Variants in RTL9 observed in about 807,000 individuals in gnomAD.
RTL9 encodes retrotransposon Gag like 9, also known as retrotransposon Gag-like protein 9.
A neutral mutation model predicts 44.7 loss-of-function variants in RTL9; 19 were observed. That is an observed-to-expected ratio of 0.42 (90% CI 0.30 to 0.62). The LOEUF is 0.62. Among genes scored for constraint, RTL9 ranks in the 20% least tolerant of loss-of-function variants. The pLI, the probability that RTL9 is intolerant of heterozygous loss-of-function variation, is 0.16. For missense variants in RTL9, 1,105 were observed against 1,080.6 expected, an observed-to-expected ratio of 1.02 and a Z score of -0.32; for synonymous variants, 407 against 398.9, an observed-to-expected ratio of 1.02 and a Z score of -0.24.
chrX:110,363,213 TTCTCTTTA>T (rs2068275926), intron 1 of RTL9, among the ~76,000 whole-genome samples: 1 of 111,856 alleles, frequency 8.9e-6, no homozygotes, highest in Non-Finnish European at 1.9e-5. Flanking sequence ...CTAAGGAATT[TTCTCTTTA>T]CAAACAGGTG....
intron 1 of RTL9, among the ~76,000 whole-genome samples, chrX:110,439,010 C>T (rs1164681109): frequency 4.5e-5 from 5 of 112,020 alleles, no homozygotes; most frequent in Non-Finnish European, 9.4e-5. Context: ...GATATTTCTC[C>T]CGCTCACCTC....
At chrX:110,359,762 TA>T (rs1225926568) in intron 1 of RTL9, among the ~76,000 whole-genome samples, 1 of 111,919 alleles carries the variant, frequency 8.9e-6, no homozygotes, top group East Asian at 2.8e-4. Context: ...GGTCTCACCA[TA>T]AAAAGTTAAA....
chrX:110,452,573 T>C, exon 1 of RTL9: 1 of 1,210,106 alleles, frequency 8.3e-7, no homozygotes, highest in Non-Finnish European at 1.1e-6. Flanking sequence ...TTTCTGGAGC[T>C]CTGTCCATGC....
intron 1 of RTL9, among the ~76,000 whole-genome samples, chrX:110,394,733 T>G (rs908287991): frequency 8.9e-6 from 1 of 112,733 alleles, no homozygotes; most frequent in Non-Finnish European, 1.9e-5. Flanking sequence ...CACATGCATC[T>G]GCTCCTGGTG....
Position 110,452,066 on chromosome X carries a change from C to T in RTL9, c.1449C>T (p.Ala483=), listed in dbSNP as rs368878585. 3.6e-5 allele frequency: 44 copies of T among 1,209,820 alleles called. No individual in the cohort carries two copies. The African/African-American group carries it at 4.6e-4, about 13-fold the overall frequency. Residue 483 remains alanine, a synonymous_variant, in exon 1 of 2, where the codon GCC becomes GCT. Coordinates refer to ENST00000540313, the Ensembl canonical transcript of RTL9. ...CAATGCCCACAGGCTCTATGAAAGC[C>T]GTGGCAAAACAATACAAGAGAGCCA...
Position 110,450,704 on chromosome X carries a change from TAGACCAATGACAGAGACCAGAGC to T in RTL9, c.92_114del (p.Pro31ArgfsTer34). 8.3e-7 allele frequency: 1 copy of T among 1,211,007 alleles called. No individual in the cohort carries two copies. The highest frequency in any genetic ancestry group is 3.0e-5 in the East Asian group (1 of 33,807). Reference sequence around the variant, plus strand: ...CCCAAAACAAGCAGATGGCCTTCTGTAGACCAATGACAGAGACCAGAGCAGACGTACAGATTCTGCATTCTCAT... The same window carrying T: ...CCCAAAACAAGCAGATGGCCTTCTGTAGACGTACAGATTCTGCATTCTCAT... On this transcript the variant is annotated frameshift_variant, in exon 1 of 2. Transcript: ENST00000540313. LOFTEE classifies it high-confidence loss of function.
At position 110,436,715 on chromosome X, in the gene RTL9, G is replaced by A. The variant is rs538961740; in HGVS notation, c.-167-8438G>A. On this transcript the variant is annotated intron_variant, in intron 1 of 3. Coordinates refer to the RTL9 transcript ENST00000465301. Reference sequence around the variant, plus strand: ...GGATGGGGAGGGACAGAGAGAGAAAGCTATGGAAAGCCTCTGGAAGCCTTA... The same window carrying A: ...GGATGGGGAGGGACAGAGAGAGAAAACTATGGAAAGCCTCTGGAAGCCTTA... Among the ~76,000 whole-genome samples, 3 of 111,911 alleles carry A rather than the reference G, an allele frequency of 2.7e-5. No individual in the cohort carries two copies. In the South Asian group the frequency reaches 1.1e-3, roughly 42 times the overall value.
intron 1 of RTL9, among the ~76,000 whole-genome samples, chrX:110,429,859 A>T (rs1472691844): frequency 8.9e-6 from 1 of 112,369 alleles, no homozygotes; most frequent in African/African-American, 3.2e-5. Flanking sequence ...TACATGTAAA[A>T]CTTATTTTAT....
intron 1 of RTL9, among the ~76,000 whole-genome samples, chrX:110,385,448 T>C (rs1372092673): frequency 9.0e-6 from 1 of 111,605 alleles, no homozygotes; most frequent in Non-Finnish European, 1.9e-5. Context: ...CACAATCTAA[T>C]TTTTAGAAAA....
intron 1 of RTL9, among the ~76,000 whole-genome samples, chrX:110,366,267 G>A (rs1021087229): frequency 8.9e-6 from 1 of 111,957 alleles, no homozygotes; most frequent in Non-Finnish European, 1.9e-5. Flanking sequence ...CCATGAACAA[G>A]CAATGTTACA....
At chrX:110,383,006 G>A (rs1477202782) in intron 1 of RTL9, among the ~76,000 whole-genome samples, 1 of 111,869 alleles carries the variant, frequency 8.9e-6, no homozygotes, top group African/African-American at 3.3e-5. Flanking sequence ...GGAATCAAAG[G>A]GTTCCCCTAG....
intron 1 of RTL9, among the ~76,000 whole-genome samples, chrX:110,368,159 C>A (rs1303344561): frequency 9.1e-6 from 1 of 109,894 alleles, no homozygotes; most frequent in Non-Finnish European, 1.9e-5. Context: ...TATTTAGAAT[C>A]TGAACACTTC....
At chrX:110,429,568 C>T (rs1178631961) in intron 1 of RTL9, among the ~76,000 whole-genome samples, 4 of 109,006 alleles carry the variant, frequency 3.7e-5, no homozygotes, top group African/African-American at 1.0e-4. Flanking sequence ...CTGCAACCTC[C>T]GCCTCCTGGG....
In RTL9 at chrX:110,451,232, A is replaced by G. The variant is rs1372924435; in HGVS notation, c.615A>G (p.Pro205=). The G allele has an allele frequency of 3.3e-6, 4 of 1,211,596 alleles. No homozygotes were observed. The Admixed American group carries it at 8.7e-5, about 26-fold the overall frequency. Residue 205 remains proline, a synonymous_variant, in exon 1 of 2, where the codon CCA becomes CCG. Coordinates refer to ENST00000540313, the Ensembl canonical transcript of RTL9. Reference sequence around the variant, plus strand: ...CCCCAGATTCTGGAGAGTTATCCCCAATTCTAATGCAAGATATGAATCCTG... The same window carrying G: ...CCCCAGATTCTGGAGAGTTATCCCCGATTCTAATGCAAGATATGAATCCTG...
At chrX:110,412,632 G>A (rs1436558735) in intron 1 of RTL9, among the ~76,000 whole-genome samples, 1 of 112,490 alleles carries the variant, frequency 8.9e-6, no homozygotes, top group Non-Finnish European at 1.9e-5. Context: ...CTGGCACAGA[G>A]CATTTAATAA....
chrX:110,391,825 C>T (rs1469344229), intron 1 of RTL9, among the ~76,000 whole-genome samples: 2 of 112,362 alleles, frequency 1.8e-5, no homozygotes, highest in African/African-American at 6.5e-5. Context: ...ACAGCATCAT[C>T]TTCCCCTTTT....
At chrX:110,452,920 C>A in exon 1 of RTL9, 1 of 1,211,864 alleles carries the variant, frequency 8.3e-7, no homozygotes, top group South Asian at 1.8e-5. Context: ...GAAACAATGT[C>A]CACACCACTA....
chrX:110,407,413 G>A (rs1411651040), intron 1 of RTL9, among the ~76,000 whole-genome samples: 1 of 111,845 alleles, frequency 8.9e-6, no homozygotes, highest in Non-Finnish European at 1.9e-5. Flanking sequence ...GGATAGGACA[G>A]GTAAGGTCAG....
At chrX:110,423,485 C>T (rs190175719) in intron 1 of RTL9, among the ~76,000 whole-genome samples, 16 of 112,140 alleles carry the variant, frequency 1.4e-4, no homozygotes, top group African/African-American at 4.9e-4. Flanking sequence ...GCTCTCCAGG[C>T]TGGCAGGTCA....
Sources: allele counts gnomAD v4.1 joint callset (sites outside exome capture counted in the v4.1 genomes callset), GRCh38; gene constraint gnomAD v4.1.1; transcripts MANE v1.5; gene names NCBI Gene and HGNC (gene_info 2026-07-23, HGNC 2026-07-21).